The following MACF1 variants were observed in gnomAD, a reference collection of about 807,000 sequenced individuals.
MACF1 encodes the protein microtubule-actin cross-linking factor 1.
In MACF1, 193 loss-of-function variants were observed where a neutral mutation model predicts 854.8. The ratio of observed to expected loss-of-function variants is 0.23; its 90% CI spans 0.20 to 0.25. The LOEUF (loss-of-function observed/expected upper bound fraction) is 0.25, where lower values mean the gene tolerates loss of function less well. MACF1 is among the 10% of genes least tolerant of loss of function. MACF1 has a pLI of 1.00. For missense variants in MACF1, 7,722 were observed against 8,929.1 expected (o/e 0.86, Z 5.45); for synonymous variants, 3,185 against 3,226.7 (o/e 0.99, Z 0.44).
chr1:39,164,118 G>T (rs1020405491), intron 2 of MACF1, among the ~76,000 whole-genome samples: 2 of 152,010 alleles, frequency 1.3e-5, no homozygotes, highest in African/African-American at 4.8e-5. Flanking sequence ...CAAATGGAAG[G>T]TTCATTTATT....
At chr1:39,136,080 T>C (rs1044624406) in intron 2 of MACF1, among the ~76,000 whole-genome samples, 1 of 152,144 alleles carries the variant, frequency 6.6e-6, no homozygotes, top group Non-Finnish European at 1.5e-5. Context: ...CACACAAATA[T>C]CCCATTATTG....
At chr1:39,232,745 TG>T (rs566360571) in intron 2 of MACF1, among the ~76,000 whole-genome samples, 7 of 33,684 alleles carry the variant, frequency 2.1e-4, no homozygotes, top group African/African-American at 3.2e-4. Context: ...ATACTCTCTT[TG>T]TTTTTTTTTT....
chr1:39,124,442 A>C (rs1393866749), intron 2 of MACF1, among the ~76,000 whole-genome samples: 1 of 152,196 alleles, frequency 6.6e-6, no homozygotes, highest in East Asian at 1.9e-4. Context: ...TTTGCAACTG[A>C]CACTATCTTA....
chr1:39,281,145 C>A (rs192920460), intron 6 of MACF1, among the ~76,000 whole-genome samples: 1 of 152,218 alleles, frequency 6.6e-6, no homozygotes, highest in East Asian at 1.9e-4. Flanking sequence ...TAAAATAGGT[C>A]TTGTGCTGTA....
chr1:39,445,404 A>G lies in MACF1; in HGVS notation c.19605+569A>G, dbSNP rs541932672. 1.3e-4 allele frequency among the ~76,000 whole-genome samples: 20 copies of G among 152,342 alleles called. 1 individual carries two copies. In the East Asian group the frequency reaches 3.9e-3, roughly 29 times the overall value. On this transcript the variant is annotated intron_variant, in intron 80 of 100. Coordinates refer to ENST00000564288, the MANE Select transcript of MACF1 (RefSeq NM_001394062.1). ...TTTCACTGTATTTTTTGCTGCTCAG[A>G]TCAAGTATGAAATATATACATACAC...
intron 98 of MACF1, 111 bp downstream of exon 98, chr1:39,480,120 A>G (rs1056735166): frequency 2.7e-5 from 17 of 625,092 alleles, no homozygotes; most frequent in Admixed American, 1.9e-4. Flanking sequence ...TAAAAATGAA[A>G]ACATGTTTTC....
chr1:39,147,673 C>A (rs1297624225), intron 2 of MACF1, among the ~76,000 whole-genome samples: 2 of 152,098 alleles, frequency 1.3e-5, no homozygotes, highest in African/African-American at 4.8e-5. Flanking sequence ...CACACACAAC[C>A]AAGGCTGGTC....
At chr1:39,141,329 G>T (rs1643341446) in intron 2 of MACF1, among the ~76,000 whole-genome samples, 1 of 152,164 alleles carries the variant, frequency 6.6e-6, no homozygotes, top group African/African-American at 2.4e-5. Context: ...TGATTCAGTA[G>T]GTCTGGGGTG....
intron 34 of MACF1, 64 bp downstream of exon 34, chr1:39,324,409 A>G: frequency 6.4e-7 from 1 of 1,564,220 alleles, no homozygotes; most frequent in Non-Finnish European, 8.7e-7. Context: ...ATTAGGTGGA[A>G]TAGTAGAAGT....
Position 39,295,138 on chromosome 1 carries a change from G to A in MACF1, c.2247G>A (p.Lys749=). 6.2e-7 allele frequency: 1 copy of A among 1,613,838 alleles called. No individual in the cohort carries two copies. Residue 749 remains lysine (K), a synonymous_variant, in exon 19 of 101, where the codon AAG becomes AAA. Transcript: ENST00000564288. Reference sequence around the variant, plus strand: ...TTTCACTTGAGAACCACCCAGCCAAGCAGACAGTGGAGGTGTGTGACTTGA... The same window carrying A: ...TTTCACTTGAGAACCACCCAGCCAAACAGACAGTGGAGGTGTGTGACTTGA... The part of the protein sequence containing the change: ...ELLSLENHPA[K]QTVEAYSAAV...
At chr1:39,176,278 C>CA (rs11406287) in intron 2 of MACF1, among the ~76,000 whole-genome samples, 122,240 of 139,726 alleles carry the variant, frequency 0.87, 53,641 homozygotes, top group East Asian at 0.99. Context: ...ACTCTGTCTC[C>CA]AAAAAAAAAA....
intron 49 of MACF1, 128 bp downstream of exon 49, chr1:39,361,805 T>C: frequency 1.2e-6 from 1 of 862,814 alleles, no homozygotes; most frequent in Non-Finnish European, 1.8e-6. Context: ...TTGGGAATTA[T>C]TACAGTGATC....
intron 2 of MACF1, chr1:39,154,124 G>A (rs184384151): frequency 6.6e-6 from 1 of 152,376 alleles, no homozygotes; most frequent in Admixed American, 6.5e-5. Flanking sequence ...TTTGTCTGAA[G>A]AGTGAGCAGT....
At chr1:39,369,645 A>G (rs1050231022) in intron 50 of MACF1, among the ~76,000 whole-genome samples, 2 of 152,242 alleles carry the variant, frequency 1.3e-5, no homozygotes, top group Non-Finnish European at 2.9e-5. Context: ...TGCTAAAGCA[A>G]TCAGCACTTG....
Position 39,347,157 on chromosome 1 carries a change from G to GTGGA in MACF1, c.10765_10768dup (p.Ala3590GlyfsTer65). On this transcript the variant is annotated frameshift_variant, in exon 41 of 101. Transcript: ENST00000564288. LOFTEE classifies it high-confidence loss of function. ...CATTTTGGAACAGACTGCCGCTCAGGTGGATGCCTTGCAGGGCCATCTTCA... is the reference window on the plus strand; with the variant it reads ...CATTTTGGAACAGACTGCCGCTCAGGTGGATGGATGCCTTGCAGGGCCATCTTCA... 1 of 1,614,128 alleles carries GTGGA rather than the reference G, an allele frequency of 6.2e-7. No individual in the cohort carries two copies. The highest frequency in any genetic ancestry group is 8.5e-7 in the Non-Finnish European group (1 of 1,180,014).
At chr1:39,104,727 G>A (rs756537190) in intron 2 of MACF1, among the ~76,000 whole-genome samples, 5 of 152,160 alleles carry the variant, frequency 3.3e-5, no homozygotes, top group Non-Finnish European at 7.4e-5. Flanking sequence ...TGCTGGATCT[G>A]CCCCGTCACT....
Position 39,292,865 on chromosome 1 carries a change from T to TA in MACF1, c.1992+23dup. Reference sequence around the variant, plus strand: ...GAAGGTGAGTTTCTGCCGATTCTCTTACATTCTGCTCATAGAGTCTGGTTC... The same window carrying TA: ...GAAGGTGAGTTTCTGCCGATTCTCTTAACATTCTGCTCATAGAGTCTGGTTC... On this transcript the variant is annotated intron_variant, in intron 17 of 100. Coordinates refer to ENST00000564288, the MANE Select transcript of MACF1 (RefSeq NM_001394062.1). 4 of 1,590,756 alleles carry TA rather than the reference T, an allele frequency of 2.5e-6. No homozygotes were observed. In the South Asian group the frequency reaches 3.4e-5, roughly 13 times the overall value.
upstream of MACF1, among the ~76,000 whole-genome samples, chr1:39,199,978 C>T (rs1207186589): frequency 6.6e-6 from 1 of 152,216 alleles, no homozygotes; most frequent in Non-Finnish European, 1.5e-5. Context: ...CTCTCTGCTC[C>T]TGTTTACAGC....
chr1:39,442,596 C>G, intron 77 of MACF1, 29 bp downstream of exon 77: 6 of 1,613,144 alleles, frequency 3.7e-6, no homozygotes, highest in Non-Finnish European at 5.1e-6. Context: ...TCATCTCTAA[C>G]CCTATTGATT....
Sources: gnomAD v4.1 joint callset for allele counts (sites outside exome capture counted in the v4.1 genomes callset) on GRCh38, gnomAD v4.1.1 for gene constraint, MANE v1.5 for transcripts, NCBI Gene and HGNC (gene_info 2026-07-23, HGNC 2026-07-21) for gene names.